The following PATJ variants were observed in gnomAD, a reference collection of about 807,000 sequenced individuals.
PATJ encodes PATJ crumbs cell polarity complex component.
PATJ carries 190 observed loss-of-function variants against 224.9 expected under a neutral mutation model. The ratio of observed to expected loss-of-function variants is 0.84; its 90% CI spans 0.75 to 0.95. The LOEUF (loss-of-function observed/expected upper bound fraction) is 0.95, where lower values mean the gene tolerates loss of function less well. PATJ is among the 40% of genes least tolerant of loss of function. PATJ has a pLI of 0.00. For synonymous variants in PATJ, 769 were observed against 820.3 expected (o/e 0.94, Z 1.07); for missense variants, 2,121 against 2,270.3 (o/e 0.93, Z 1.34).
At chr1:62,111,959 C>A (rs1663879475) in intron 34 of PATJ, among the ~76,000 whole-genome samples, 1 of 151,936 alleles carries the variant, frequency 6.6e-6, no homozygotes, top group African/African-American at 2.4e-5. Context: ...CGCGCCCAGC[C>A]CAAAACCCAT....
chr1:61,765,884 T>C (rs1646242483), intron 3 of PATJ, among the ~76,000 whole-genome samples: 1 of 152,216 alleles, frequency 6.6e-6, no homozygotes, highest in African/African-American at 2.4e-5. Context: ...AGTACAGTTA[T>C]TATCATTATA....
At chr1:61,890,214 C>G (rs758878948) in intron 22 of PATJ, among the ~76,000 whole-genome samples, 20 of 152,158 alleles carry the variant, frequency 1.3e-4, no homozygotes, top group Non-Finnish European at 2.8e-4. Context: ...CGTGGTGGCT[C>G]ACGCCTGTAA....
At chr1:61,871,677 C>G (rs1326595565) in intron 20 of PATJ, among the ~76,000 whole-genome samples, 3 of 148,930 alleles carry the variant, frequency 2.0e-5, no homozygotes, top group Non-Finnish European at 3.0e-5. Context: ...ATTCTCCTAC[C>G]TCAGCCTTCT....
intron 7 of PATJ, among the ~76,000 whole-genome samples, chr1:61,784,387 G>A (rs1263534232): frequency 6.6e-6 from 1 of 152,192 alleles, no homozygotes; most frequent in African/African-American, 2.4e-5. Context: ...GGGGCTGCTG[G>A]ACTTAGACAA....
chr1:61,878,965 T>C (rs552401553), intron 21 of PATJ, among the ~76,000 whole-genome samples: 2 of 152,072 alleles, frequency 1.3e-5, no homozygotes, highest in East Asian at 3.9e-4. Context: ...TTTGTATTTT[T>C]AGTAGAGATG....
intron 43 of PATJ, among the ~76,000 whole-genome samples, chr1:62,158,166 A>G (rs1341886433): frequency 6.7e-6 from 1 of 149,642 alleles, no homozygotes; most frequent in Non-Finnish European, 1.5e-5. Flanking sequence ...GTGAGTAAAG[A>G]GCCACAATTA....
intron 33 of PATJ, among the ~76,000 whole-genome samples, chr1:62,087,854 C>T (rs141281782): frequency 6.6e-5 from 10 of 151,732 alleles, no homozygotes; most frequent in African/African-American, 1.9e-4. Flanking sequence ...ATTTGGTCTG[C>T]GCTGTATCTT....
At chr1:61,818,060 C>T (rs934757312) in intron 14 of PATJ, among the ~76,000 whole-genome samples, 6 of 152,070 alleles carry the variant, frequency 3.9e-5, no homozygotes, top group African/African-American at 1.4e-4. Context: ...CATTTATATT[C>T]CCGCTTAAGC....
chr1:61,897,803 G>GA (rs57242267), intron 22 of PATJ, among the ~76,000 whole-genome samples: 80,913 of 151,946 alleles, frequency 0.53, 22,266 homozygotes, highest in Admixed American at 0.62. Context: ...ATTTATGGAA[G>GA]AAGGGGAGAA....
rs531143680 is a variant in PATJ, at chr1:61,757,090, T to TC, written c.-35-5768_-35-5767insC. Among the ~76,000 whole-genome samples, 37 of 150,748 alleles carry TC rather than the reference T, an allele frequency of 2.5e-4. 1 individual carries two copies. Among genetic ancestry groups the TC allele is most frequent in the South Asian group, 6.3e-4 (3 of 4,776 alleles). On this transcript the variant is annotated intron_variant, in intron 1 of 43. Transcript: ENST00000642238. ...TTTGTGTCACTTTTACTTTTTTTTT[T>TC]TTTTTTTGATCTTGCTCTGTTGCCA...
intron 22 of PATJ, 42 bp downstream of exon 22, chr1:61,884,450 G>GTT: frequency 2.9e-6 from 2 of 689,088 alleles, no homozygotes; most frequent in Non-Finnish European, 3.9e-6. Context: ...ATAAAATAGT[G>GTT]GTTTTTTTTT....
At chr1:61,826,075 C>G (rs1238565911) in intron 15 of PATJ, among the ~76,000 whole-genome samples, 1 of 152,208 alleles carries the variant, frequency 6.6e-6, no homozygotes. Flanking sequence ...CTTCATTTGT[C>G]ATGAAGACTT....
rs1646857908 is a variant in PATJ, at chr1:61,775,391, T to G, written c.849+57T>G. On this transcript the variant is annotated intron_variant, in intron 7 of 43. Transcript: ENST00000642238. The stretch of plus-strand genomic sequence containing the variant: ...TTTATAAAATTTAAGTTGTATGAAT[T>G]GAAATGTAATTTTATAACATGAGTT... 9 of 1,475,024 alleles carry G rather than the reference T, an allele frequency of 6.1e-6. 1 individual carries two copies. In the East Asian group the frequency reaches 1.8e-4, roughly 30 times the overall value. The allele number at this position is 1,475,024 out of a possible 1,614,324, so 91.4% of individuals were successfully genotyped here.
At chr1:62,032,235 C>A (rs895014131) in intron 29 of PATJ, among the ~76,000 whole-genome samples, 2 of 152,136 alleles carry the variant, frequency 1.3e-5, no homozygotes, top group Non-Finnish European at 2.9e-5. Flanking sequence ...GCTCTCAGCT[C>A]CTAGAGGTCC....
In PATJ at chr1:62,161,293, G is replaced by T; in HGVS notation, c.*239G>T. 2 of 288,606 alleles carry T rather than the reference G, an allele frequency of 6.9e-6. No individual in the cohort carries two copies. Among genetic ancestry groups the T allele is most frequent in the Non-Finnish European group, 1.3e-5 (2 of 156,662 alleles). The allele number at this position is 288,606 out of a possible 1,614,324, so 17.9% of individuals were successfully genotyped here. A position where few individuals can be genotyped will look rare whatever the true frequency, so the allele number is the denominator to read the frequency against. ...AGGTTGATTTCTAAAACTTAAATGA[G>T]TCTACCTGTTTTGCATTTAATTTCA... On this transcript the variant is annotated 3_prime_UTR_variant, in exon 44 of 44. Coordinates refer to ENST00000642238, the MANE Select transcript of PATJ (RefSeq NM_001350145.3).
At chr1:62,039,360 A>G (rs1250934677) in intron 30 of PATJ, among the ~76,000 whole-genome samples, 1 of 152,204 alleles carries the variant, frequency 6.6e-6, no homozygotes, top group Non-Finnish European at 1.5e-5. Context: ...TGCTATATCC[A>G]ATAAATCTGT....
chr1:62,135,797 T>C (rs545384199), intron 41 of PATJ, among the ~76,000 whole-genome samples: 1 of 152,254 alleles, frequency 6.6e-6, no homozygotes, highest in South Asian at 2.1e-4. Flanking sequence ...ATACAGGATG[T>C]TGCAAATGAT....
intron 30 of PATJ, among the ~76,000 whole-genome samples, chr1:62,045,703 T>A (rs897959135): frequency 8.5e-5 from 13 of 152,282 alleles, no homozygotes; most frequent in African/African-American, 2.6e-4. Context: ...CCGGATTAGC[T>A]GAGTCATCTT....
chr1:62,047,593 G>T (rs561941538), intron 30 of PATJ, among the ~76,000 whole-genome samples: 4 of 152,060 alleles, frequency 2.6e-5, no homozygotes, highest in Non-Finnish European at 5.9e-5. Context: ...CCGTAACCTC[G>T]CCAGGCCTTC....
Sources: allele counts gnomAD v4.1 joint callset (sites outside exome capture counted in the v4.1 genomes callset), GRCh38; gene constraint gnomAD v4.1.1; transcripts MANE v1.5; gene names NCBI Gene and HGNC (gene_info 2026-07-23, HGNC 2026-07-21).